RELN: variants seen among roughly 807,000 people sequenced by gnomAD.
RELN encodes reelin.
A neutral mutation model predicts 427.6 loss-of-function variants in RELN; 108 were observed. The observed-to-expected ratio is 0.25, with a 90% CI of 0.22 to 0.30. The LOEUF (loss-of-function observed/expected upper bound fraction) is 0.30. RELN is among the 10% of genes least tolerant of loss of function. RELN has a pLI of 1.00. For missense variants in RELN, 3,715 were observed against 4,302.8 expected (o/e 0.86, Z 3.82); for synonymous variants, 1,524 against 1,513.4 (o/e 1.01, Z -0.16).
intron 5 of RELN, 65 bp from the exon 6 acceptor site, chr7:103,749,569 G>A (rs1003048020): frequency 9.1e-7 from 1 of 1,099,040 alleles, no homozygotes; most frequent in East Asian, 2.4e-5. Flanking sequence ...CTAAACACAA[G>A]TGCCAACATG....
intron 2 of RELN, among the ~76,000 whole-genome samples, chr7:103,890,306 G>A (rs185094604): frequency 2.0e-5 from 3 of 151,870 alleles, no homozygotes; most frequent in African/African-American, 7.2e-5. Context: ...GATTGTCATT[G>A]GGATTCACAC....
At chr7:103,786,758 C>CTT (rs1563012975) in intron 3 of RELN, among the ~76,000 whole-genome samples, 1 of 152,086 alleles carries the variant, frequency 6.6e-6, no homozygotes. Context: ...TAGTTGGAGA[C>CTT]TTTAACACCC....
In RELN at chr7:103,620,062, T is replaced by TC. The variant is rs1832182541; in HGVS notation, c.2703-8260dup. ...CATCTTGCATTGTGGTGCCCATAAT[T>TC]CCTACGTGTTGTGGGAGGGATCCAG... On this transcript the variant is annotated intron_variant, in intron 20 of 64. Transcript: ENST00000428762. The surrounding 1 kb of genome is among the most constrained non-coding windows in gnomAD (Gnocchi z 4.1). 6.6e-6 allele frequency among the ~76,000 whole-genome samples: 1 copy of TC among 152,176 alleles called. No individual in the cohort carries two copies. Among genetic ancestry groups the TC allele is most frequent in the Admixed American group, 6.5e-5 (1 of 15,270 alleles).
chr7:103,722,049 C>T lies in RELN; in HGVS notation c.805+1091G>A, dbSNP rs1426178940. On this transcript the variant is annotated intron_variant, in intron 8 of 64. Transcript: ENST00000428762. ...TATTTTTGTTTTTTCTAACACTTTACTTATGATCACACATGGACTTCTGAA... is the reference window on the plus strand; with the variant it reads ...TATTTTTGTTTTTTCTAACACTTTATTTATGATCACACATGGACTTCTGAA... Among the ~76,000 whole-genome samples, 6 of 152,136 alleles carry T rather than the reference C, an allele frequency of 3.9e-5. No individual in the cohort carries two copies. The East Asian group carries it at 1.2e-3, about 29-fold the overall frequency.
Position 103,497,848 on chromosome 7 carries a change from G to A in RELN, c.8922C>T (p.Gly2974=), listed in dbSNP as rs544687307. ...SCHRPICRKE[G]VLLDYSTDGG... Reference sequence around the variant, plus strand: ...CATCGGTAGAGTAGTCCAACAGCACGCCTTCCTTCCGGCAGATGGGACGAT... The same window carrying A: ...CATCGGTAGAGTAGTCCAACAGCACACCTTCCTTCCGGCAGATGGGACGAT... Residue 2974 remains glycine (G), a synonymous_variant, in exon 55 of 65, where the codon GGC becomes GGT. Transcript: ENST00000428762. The A allele has an allele frequency of 5.0e-6, 8 of 1,614,086 alleles. No homozygotes were observed. Among genetic ancestry groups the A allele is most frequent in the East Asian group, 4.5e-5 (2 of 44,886 alleles).
chr7:103,917,021 G>C, intron 2 of RELN, 54 bp downstream of exon 2: 1 of 1,211,040 alleles, frequency 8.3e-7, no homozygotes, highest in Non-Finnish European at 1.2e-6. Context: ...TAAAACATAA[G>C]ACCTATGACT....
chr7:103,511,004 C>G lies in RELN; in HGVS notation c.8121G>C (p.Val2707=), dbSNP rs1345247825. The G allele has an allele frequency of 2.5e-6, 4 of 1,612,948 alleles. No individual in the cohort carries two copies. The highest frequency in any genetic ancestry group is 3.4e-6 in the Non-Finnish European group (4 of 1,179,144). ...CATCATGGAATAGCCAGTGCTCATT[C>G]ACTTAAAACAAAAAAACAAAATTTT... ...FDMFMEDKTS[V]NEHWLFHDDC... is the part of the protein sequence containing the mutation. Residue 2707 remains valine (V), a splice_region_variant and synonymous_variant, in exon 51 of 65, where the codon GTG becomes GTC. Coordinates refer to ENST00000428762, the MANE Select transcript of RELN (RefSeq NM_005045.4).
chr7:103,842,399 C>A (rs1350891408), intron 2 of RELN, among the ~76,000 whole-genome samples: 2 of 152,106 alleles, frequency 1.3e-5, no homozygotes. Flanking sequence ...TAACTGTCTA[C>A]TTACAGAATT....
Position 103,776,473 on chromosome 7 carries a change from T to C in RELN, c.544+84A>G, listed in dbSNP as rs2116211664. On this transcript the variant is annotated intron_variant, in intron 4 of 64. Transcript: ENST00000428762. ...AAAGCTTACGATTAAGTAATCATAATGAAATGCTTACTTGGTACATAGAAC... is the reference window on the plus strand; with the variant it reads ...AAAGCTTACGATTAAGTAATCATAACGAAATGCTTACTTGGTACATAGAAC... 6 of 1,345,398 alleles carry C rather than the reference T, an allele frequency of 4.5e-6. No homozygotes were observed. The Admixed American group carries it at 6.7e-5, about 15-fold the overall frequency. 83.3% of individuals were successfully genotyped at this position (1,345,398 alleles called of 1,614,324 possible). A position where few individuals can be genotyped will look rare whatever the true frequency, so the allele number is the denominator to read the frequency against.
chr7:103,838,822 A>T (rs1352876944), intron 2 of RELN, among the ~76,000 whole-genome samples: 1 of 152,236 alleles, frequency 6.6e-6, no homozygotes, highest in Non-Finnish European at 1.5e-5. Flanking sequence ...TGTCTAGGCC[A>T]CATATTACTT....
chr7:103,673,148 C>A (rs1183246967), intron 11 of RELN, among the ~76,000 whole-genome samples: 1 of 152,072 alleles, frequency 6.6e-6, no homozygotes, highest in Admixed American at 6.6e-5. Context: ...TGGCTCCTGA[C>A]AAATTGTTTT....
At chr7:103,904,317 C>T (rs898007815) in intron 2 of RELN, among the ~76,000 whole-genome samples, 2 of 152,082 alleles carry the variant, frequency 1.3e-5, no homozygotes, top group African/African-American at 2.4e-5. Context: ...AATAAACATA[C>T]GTGTCCATGT....
intron 2 of RELN, among the ~76,000 whole-genome samples, chr7:103,853,559 T>C (rs1183569646): frequency 1.3e-5 from 2 of 152,046 alleles, no homozygotes; most frequent in Admixed American, 6.6e-5. Flanking sequence ...CCAGTTTGTA[T>C]TATTCAAGAG....
At position 103,926,808 on chromosome 7, in the gene RELN, C is replaced by A. The variant is rs189520229; in HGVS notation, c.227-9623G>T. Among the ~76,000 whole-genome samples the A allele has an allele frequency of 4.5e-3, 677 of 152,018 alleles. 3 individuals carry two copies. Among genetic ancestry groups the A allele is most frequent in the African/African-American group, 0.015 (625 of 41,496 alleles). Reference sequence around the variant, plus strand: ...TACAGGCATGAGCCACCACATCCAGCTAATTTTTTTTGTATTTTTAGTAGA... The same window carrying A: ...TACAGGCATGAGCCACCACATCCAGATAATTTTTTTTGTATTTTTAGTAGA... On this transcript the variant is annotated intron_variant, in intron 1 of 64. Coordinates refer to ENST00000428762, the MANE Select transcript of RELN (RefSeq NM_005045.4).
intron 22 of RELN, among the ~76,000 whole-genome samples, chr7:103,606,360 G>A (rs1222981100): frequency 6.6e-6 from 1 of 152,184 alleles, no homozygotes; most frequent in Non-Finnish European, 1.5e-5. Flanking sequence ...TTCTGTAGGT[G>A]ACGGAATGAA....
intron 2 of RELN, among the ~76,000 whole-genome samples, chr7:103,909,603 T>A (rs2891642): frequency 0.35 from 45,995 of 130,654 alleles, 9,193 homozygotes; most frequent in Non-Finnish European, 0.45. Flanking sequence ...CAAGACTTCA[T>A]CTCAAAAACA....
chr7:103,753,921 A>G (rs1025722622), intron 4 of RELN, among the ~76,000 whole-genome samples: 1 of 152,218 alleles, frequency 6.6e-6, no homozygotes, highest in Non-Finnish European at 1.5e-5. Flanking sequence ...TTTGAAACTG[A>G]TATGTTTTTG....
chr7:103,579,001 C>T (rs1166260315), intron 28 of RELN, among the ~76,000 whole-genome samples: 3 of 152,164 alleles, frequency 2.0e-5, no homozygotes, highest in Non-Finnish European at 4.4e-5. Flanking sequence ...TATTCAACAT[C>T]CCTTCATTCA....
At chr7:103,499,674 C>T (rs1828957813) in intron 53 of RELN, among the ~76,000 whole-genome samples, 1 of 152,090 alleles carries the variant, frequency 6.6e-6, no homozygotes, top group Admixed American at 6.5e-5. Context: ...TAATGGATAG[C>T]AAATGAATAC....
Sources: allele counts gnomAD v4.1 joint callset (sites outside exome capture counted in the v4.1 genomes callset), GRCh38; gene constraint gnomAD v4.1.1; non-coding constraint Gnocchi (gnomAD v3.1); transcripts MANE v1.5; gene names NCBI Gene and HGNC (gene_info 2026-07-23, HGNC 2026-07-21).